The following NFIB variants were observed in gnomAD, a reference collection of about 807,000 sequenced individuals.
NFIB encodes nuclear factor 1 B-type.
A neutral mutation model predicts 61.5 loss-of-function variants in NFIB; 11 were observed. The observed-to-expected ratio is 0.18, with a 90% CI of 0.11 to 0.30. The LOEUF (loss-of-function observed/expected upper bound fraction) is 0.30. Ranked by LOEUF, NFIB falls within the 10% of genes least tolerant of loss-of-function variation. NFIB has a pLI of 1.00. For synonymous variants in NFIB, 260 were observed against 216.5 expected, an observed-to-expected ratio of 1.20 and a Z score of -1.76; for missense variants, 471 against 608.9, an observed-to-expected ratio of 0.77 and a Z score of 2.38.
chr9:14,485,443 T>G, the NFIB span, among the ~76,000 whole-genome samples: 9 of 152,250 alleles, frequency 5.9e-5, no homozygotes, highest in African/African-American at 2.2e-4. Flanking sequence ...GGTGTATCAG[T>G]CTTCACTGAT....
intron 2 of NFIB, among the ~76,000 whole-genome samples, chr9:14,241,928 C>T (rs1412384187): frequency 6.6e-6 from 1 of 152,078 alleles, no homozygotes; most frequent in African/African-American, 2.4e-5. Flanking sequence ...TACATAAGAT[C>T]ACAAGACAAG....
At chr9:14,531,446 T>A in the NFIB span, among the ~76,000 whole-genome samples, 1 of 152,146 alleles carries the variant, frequency 6.6e-6, no homozygotes, top group African/African-American at 2.4e-5. Flanking sequence ...GGAGGTGGAT[T>A]CCAAATTAAG....
intron 3 of NFIB, among the ~76,000 whole-genome samples, chr9:14,157,784 G>C (rs2043609322): frequency 6.6e-6 from 1 of 152,016 alleles, no homozygotes; most frequent in Non-Finnish European, 1.5e-5. Context: ...TGTTGCTTTT[G>C]TTATTGTTTA....
intron 2 of NFIB, among the ~76,000 whole-genome samples, chr9:14,182,618 G>A (rs1027635382): frequency 6.8e-6 from 1 of 146,754 alleles, no homozygotes; most frequent in African/African-American, 2.5e-5. Context: ...CACCACCTAG[G>A]TCAAATTACT....
intron 1 of NFIB, among the ~76,000 whole-genome samples, chr9:14,359,094 C>T (rs867513365): frequency 6.6e-6 from 1 of 152,196 alleles, no homozygotes; most frequent in African/African-American, 2.4e-5. Context: ...GCAGCGTTTA[C>T]ACTACAGAAC....
intron 2 of NFIB, among the ~76,000 whole-genome samples, chr9:14,266,040 A>G (rs16931515): frequency 0.04 from 6,081 of 152,152 alleles, 410 homozygotes; most frequent in African/African-American, 0.14. Flanking sequence ...GTGTGATGAC[A>G]GTAAAAAGGT....
the NFIB span, among the ~76,000 whole-genome samples, chr9:14,427,596 C>G: frequency 1.3e-5 from 2 of 152,184 alleles, no homozygotes; most frequent in African/African-American, 2.4e-5. Context: ...GGATAAGGAG[C>G]TCAGCTTGGA....
the NFIB span, among the ~76,000 whole-genome samples, chr9:14,520,000 T>C: frequency 6.6e-6 from 1 of 151,820 alleles, no homozygotes; most frequent in East Asian, 1.9e-4. Context: ...GTTATAAACA[T>C]GATAAAATTC....
At chr9:14,300,225 G>A (rs1395293615) in intron 2 of NFIB, 6 of 398,360 alleles carry the variant, frequency 1.5e-5, no homozygotes, top group East Asian at 3.6e-5. Flanking sequence ...AGAAGGAAGC[G>A]TCTCTTCTTG....
the NFIB span, among the ~76,000 whole-genome samples, chr9:14,407,394 C>G: frequency 6.6e-6 from 1 of 152,172 alleles, no homozygotes; most frequent in East Asian, 1.9e-4. Context: ...TAAGGAAAAT[C>G]TTATCTTATT....
At chr9:14,474,900 A>C in the NFIB span, among the ~76,000 whole-genome samples, 1 of 152,182 alleles carries the variant, frequency 6.6e-6, no homozygotes, top group African/African-American at 2.4e-5. Context: ...TGGATGTCTC[A>C]GTTTAAGCAG....
chr9:14,296,888 T>A (rs1347782479), intron 2 of NFIB, among the ~76,000 whole-genome samples: 2 of 152,224 alleles, frequency 1.3e-5, no homozygotes, highest in African/African-American at 2.4e-5. Flanking sequence ...ATACTTTAAT[T>A]TGCACATTAT....
At chr9:14,524,969 TATC>T in the NFIB span, among the ~76,000 whole-genome samples, 2 of 152,232 alleles carry the variant, frequency 1.3e-5, no homozygotes, top group Non-Finnish European at 2.9e-5. Context: ...GGTAAACAGA[TATC>T]ATCAAAACCT....
At position 14,266,656 on chromosome 9, in the gene NFIB, TCC is replaced by T. The variant is rs1218263316; in HGVS notation, c.562+40331_562+40332del. On this transcript the variant is annotated intron_variant, in intron 2 of 10. Coordinates refer to ENST00000380953, the MANE Select transcript of NFIB (RefSeq NM_001190737.2). ...TTCATGCTTCCCTCGGATCTCCTCT[TCC>T]TCTTATATGCCCCATTTTTGTGGCC... 2.4e-3 allele frequency among the ~76,000 whole-genome samples: 367 copies of T among 152,166 alleles called. 2 individuals are homozygous for T. The highest frequency in any genetic ancestry group is 0.022 in the Admixed American group (333 of 15,268).
chr9:14,392,467 C>A (rs986551090), intron 1 of NFIB, among the ~76,000 whole-genome samples: 1 of 152,192 alleles, frequency 6.6e-6, no homozygotes, highest in Non-Finnish European at 1.5e-5. Flanking sequence ...GTGGCTCAGG[C>A]CTATAATCCC....
At chr9:14,385,105 G>C (rs765399383) in intron 1 of NFIB, among the ~76,000 whole-genome samples, 3 of 152,240 alleles carry the variant, frequency 2.0e-5, no homozygotes, top group Non-Finnish European at 4.4e-5. Flanking sequence ...CAATCCTCAG[G>C]GCTCACTATG....
chr9:14,378,879 C>T (rs1317929209), intron 1 of NFIB, among the ~76,000 whole-genome samples: 1 of 152,114 alleles, frequency 6.6e-6, no homozygotes, highest in Admixed American at 6.6e-5. Flanking sequence ...CACAGCAGCA[C>T]CTTGTACTTC....
intron 9 of NFIB, among the ~76,000 whole-genome samples, chr9:14,114,228 T>C (rs2037801600): frequency 6.6e-6 from 1 of 152,180 alleles, no homozygotes; most frequent in Non-Finnish European, 1.5e-5. Context: ...CATATTTTAA[T>C]TGCTCCTGAA....
At chr9:14,265,390 G>A (rs2057112979) in intron 2 of NFIB, among the ~76,000 whole-genome samples, 2 of 152,112 alleles carry the variant, frequency 1.3e-5, no homozygotes, top group Non-Finnish European at 2.9e-5. Flanking sequence ...TAAGGGTGGG[G>A]CCCTAATATG....
Sources: allele counts gnomAD v4.1 joint callset (sites outside exome capture counted in the v4.1 genomes callset), GRCh38; gene constraint gnomAD v4.1.1; transcripts MANE v1.5; gene names NCBI Gene and HGNC (gene_info 2026-07-23, HGNC 2026-07-21).